The following ZSCAN5B variants were observed in gnomAD, a reference collection of about 807,000 sequenced individuals.
The protein encoded by ZSCAN5B is zinc finger and SCAN domain-containing protein 5B.
In ZSCAN5B, 26 loss-of-function variants were observed where a neutral mutation model predicts 25.2. That is an observed-to-expected ratio of 1.03 (90% CI 0.76 to 1.43). The LOEUF (loss-of-function observed/expected upper bound fraction) is 1.43, where lower values mean the gene tolerates loss of function less well. Among genes scored for constraint, ZSCAN5B ranks in the 40% most tolerant of loss-of-function variants. The pLI, the probability that ZSCAN5B is intolerant of heterozygous loss-of-function variation, is 0.00. For missense variants in ZSCAN5B, 745 were observed against 622.1 expected, an observed-to-expected ratio of 1.20 and a Z score of -2.10; for synonymous variants, 244 against 240.9, an observed-to-expected ratio of 1.01 and a Z score of -0.12.
At chr19:56,196,463 A>G (rs2122209119) in intron 1 of ZSCAN5B, among the ~76,000 whole-genome samples, 1 of 152,060 alleles carries the variant, frequency 6.6e-6, no homozygotes, top group African/African-American at 2.4e-5. Context: ...TTGCTAAGGG[A>G]GTCGATTTCA....
intron 1 of ZSCAN5B, among the ~76,000 whole-genome samples, chr19:56,197,241 C>T (rs1261971627): frequency 6.6e-6 from 1 of 151,320 alleles, no homozygotes; most frequent in Non-Finnish European, 1.5e-5. Flanking sequence ...GGCGCGACCT[C>T]GGCTCACTGC....
At chr19:56,191,866 G>T (rs2032738651) in exon 3 of ZSCAN5B, 1 of 1,613,816 alleles carries the variant, frequency 6.2e-7, no homozygotes, top group South Asian at 1.1e-5. Context: ...CCTGGACAGT[G>T]CAGCGACCCT....
intron 1 of ZSCAN5B, among the ~76,000 whole-genome samples, chr19:56,196,695 C>T (rs944795747): frequency 8.5e-5 from 13 of 152,222 alleles, no homozygotes; most frequent in Admixed American, 2.0e-4. Flanking sequence ...AGGATCACTT[C>T]AGCCCAGCAG....
exon 4 of ZSCAN5B, chr19:56,190,960 T>C (rs1421511462): frequency 6.2e-7 from 1 of 1,614,054 alleles, no homozygotes; most frequent in Admixed American, 1.7e-5. Context: ...GTTACGTCAA[T>C]ACTCTTGTGT....
intron 3 of ZSCAN5B, 43 bp from the exon 4 acceptor site, chr19:56,191,030 T>G: frequency 6.2e-7 from 1 of 1,613,036 alleles, no homozygotes. Flanking sequence ...GTGTCTATAC[T>G]GGTGGAAGTA....
At chr19:56,193,392 C>T (rs1216303339) in intron 1 of ZSCAN5B, among the ~76,000 whole-genome samples, 1 of 152,174 alleles carries the variant, frequency 6.6e-6, no homozygotes, top group Non-Finnish European at 1.5e-5. Flanking sequence ...GATCATTGTG[C>T]AGAGGTGGAA....
At chr19:56,192,368 C>T (rs2032748619) in intron 2 of ZSCAN5B, among the ~76,000 whole-genome samples, 1 of 152,196 alleles carries the variant, frequency 6.6e-6, no homozygotes, top group South Asian at 2.1e-4. Flanking sequence ...ATTTGGGGAC[C>T]TGGAGGCAGA....
intron 2 of ZSCAN5B, 105 bp downstream of exon 2, chr19:56,192,564 G>A (rs1354945616): frequency 1.3e-6 from 2 of 1,513,102 alleles, no homozygotes; most frequent in Non-Finnish European, 1.8e-6. Context: ...CATCTCCTAG[G>A]TCAGGTATTT....
chr19:56,193,699 A>G (rs868661889), intron 1 of ZSCAN5B, among the ~76,000 whole-genome samples: 3 of 152,220 alleles, frequency 2.0e-5, no homozygotes, highest in African/African-American at 7.2e-5. Flanking sequence ...GCGGTGGCCC[A>G]GGCCTGTAAT....
At chr19:56,193,207 A>AT (rs2032764770) in intron 1 of ZSCAN5B, 28 bp from the exon 2 acceptor site, 3 of 915,746 alleles carry the variant, frequency 3.3e-6, no homozygotes, top group Non-Finnish European at 4.7e-6. Flanking sequence ...GAGCCCGATT[A>AT]TTTTAACTTT....
rs559233044 is a variant in ZSCAN5B, at chr19:56,193,202, C to G, written c.-127-23G>C. The G allele has an allele frequency of 8.3e-6, 8 of 960,886 alleles. No individual in the cohort carries two copies. In the African/African-American group the frequency reaches 1.3e-4, roughly 16 times the overall value. The allele number at this position is 960,886 out of a possible 1,614,324, so 59.5% of individuals were successfully genotyped here. ...AGTCTGCAGGAAAAAAGCATGAGCC[C>G]GATTATTTTAACTTTCTACTCCACA... is the stretch of plus-strand genomic sequence containing the variant. On this transcript the variant is annotated intron_variant, in intron 1 of 4. Coordinates refer to ENST00000586855, the Ensembl canonical transcript of ZSCAN5B.
At chr19:56,193,517 G>A (rs559289057) in intron 1 of ZSCAN5B, among the ~76,000 whole-genome samples, 36 of 152,290 alleles carry the variant, frequency 2.4e-4, no homozygotes, top group African/African-American at 6.5e-4. Context: ...ATGTTTTCCC[G>A]TCAAGACAAG....
rs549513792 is a variant in ZSCAN5B at position 56,192,431 on chromosome 19, C to T, written c.384+238G>A. Among the ~76,000 whole-genome samples the T allele has an allele frequency of 3.9e-5, 6 of 152,284 alleles. No homozygotes were observed. The South Asian group carries it at 1.2e-3, about 32-fold the overall frequency. The stretch of plus-strand genomic sequence containing the variant: ...CCTGCCTCAGGATGGGACTTCTGGG[C>T]CCCCCTTCAGTTCACTCTAATGCCT... On this transcript the variant is annotated intron_variant, in intron 2 of 4. Transcript: ENST00000586855.
intron 1 of ZSCAN5B, among the ~76,000 whole-genome samples, chr19:56,196,787 C>T (rs2032815817): frequency 6.6e-6 from 1 of 151,976 alleles, no homozygotes; most frequent in Non-Finnish European, 1.5e-5. Context: ...TTAAGTAAAT[C>T]GATACATTTT....
chr19:56,190,064 T>C (rs750297216), exon 5 of ZSCAN5B: 5 of 1,614,004 alleles, frequency 3.1e-6, no homozygotes, highest in African/African-American at 1.3e-5. Context: ...CGAACCGCTT[T>C]TGGCAGACGT....
At chr19:56,194,727 CCTT>C (rs1157340240) in intron 1 of ZSCAN5B, among the ~76,000 whole-genome samples, 2 of 152,026 alleles carry the variant, frequency 1.3e-5, no homozygotes, top group African/African-American at 4.8e-5. Flanking sequence ...ATATGGCTCT[CCTT>C]CTTCAGCCTA....
exon 4 of ZSCAN5B, chr19:56,190,954 C>T (rs4801296): frequency 0.39 from 622,450 of 1,613,572 alleles, 124,877 homozygotes; most frequent in African/African-American, 0.69. Context: ...TCACCTGTTA[C>T]GTCAATACTC....
intron 4 of ZSCAN5B, 52 bp downstream of exon 4, chr19:56,190,785 G>A (rs939727720): frequency 9.5e-6 from 15 of 1,581,162 alleles, no homozygotes; most frequent in Admixed American, 3.8e-5. Flanking sequence ...CCCCAGCCCC[G>A]CACCCCAGAA....
intron 1 of ZSCAN5B, among the ~76,000 whole-genome samples, chr19:56,196,000 C>T (rs993321124): frequency 1.3e-5 from 2 of 152,058 alleles, no homozygotes; most frequent in African/African-American, 4.8e-5. Context: ...TCTGGGATTA[C>T]GTGTGAGCCA....
Sources: allele counts gnomAD v4.1 joint callset (sites outside exome capture counted in the v4.1 genomes callset), GRCh38; gene constraint gnomAD v4.1.1; transcripts MANE v1.5; gene names NCBI Gene and HGNC (gene_info 2026-07-23, HGNC 2026-07-21).